DRD2: variants seen among roughly 807,000 people sequenced by gnomAD.
DRD2 encodes the protein dopamine receptor D2, also known as D(2) dopamine receptor.
A neutral mutation model predicts 38.0 loss-of-function variants in DRD2; 8 were observed. The ratio of observed to expected loss-of-function variants is 0.21; its 90% CI spans 0.12 to 0.38. The LOEUF is 0.38. DRD2 is among the 10% of genes least tolerant of loss of function. The pLI, the probability that DRD2 is intolerant of heterozygous loss-of-function variation, is 1.00. For missense variants in DRD2, 403 were observed against 607.7 expected (o/e 0.66, Z 3.54); for synonymous variants, 230 against 238.6 (o/e 0.96, Z 0.33).
At chr11:113,447,094 T>C (rs1302415399) in intron 1 of DRD2, among the ~76,000 whole-genome samples, 2 of 152,132 alleles carry the variant, frequency 1.3e-5, no homozygotes, top group Non-Finnish European at 2.9e-5. Context: ...TCCTCTAGCA[T>C]GTCATAGCCC....
intron 1 of DRD2, among the ~76,000 whole-genome samples, chr11:113,439,255 G>T (rs1175577144): frequency 6.6e-6 from 1 of 152,178 alleles, no homozygotes; most frequent in Admixed American, 6.5e-5. Context: ...TCCTAGGAAG[G>T]CTACCAGTTT....
intron 1 of DRD2, among the ~76,000 whole-genome samples, chr11:113,428,491 G>A (rs537983765): frequency 6.6e-6 from 1 of 152,342 alleles, no homozygotes; most frequent in Admixed American, 6.5e-5. Flanking sequence ...GGGGATGAGG[G>A]CTGTGGTCCT....
intron 2 of DRD2, 48 bp from the exon 3 acceptor site, chr11:113,418,184 G>A (rs200747382): frequency 4.5e-5 from 67 of 1,503,274 alleles, no homozygotes; most frequent in Non-Finnish European, 5.9e-5. Flanking sequence ...TGGGAGATTA[G>A]CTTAGGTCCT....
intron 1 of DRD2, among the ~76,000 whole-genome samples, chr11:113,453,840 G>C (rs974149101): frequency 6.6e-6 from 1 of 152,172 alleles, no homozygotes; most frequent in East Asian, 1.9e-4. Context: ...ACAGAGCTTT[G>C]TATGTGATAG....
intron 1 of DRD2, among the ~76,000 whole-genome samples, chr11:113,468,139 G>A (rs1951387798): frequency 6.6e-6 from 1 of 152,226 alleles, no homozygotes; most frequent in Non-Finnish European, 1.5e-5. Context: ...ATTAATTACT[G>A]TGACCCAATT....
At chr11:113,448,697 C>T (rs1208847102) in intron 1 of DRD2, among the ~76,000 whole-genome samples, 2 of 152,198 alleles carry the variant, frequency 1.3e-5, no homozygotes, top group Non-Finnish European at 1.5e-5. Flanking sequence ...CTCATTGTCA[C>T]TTCCGAGAGG....
chr11:113,438,336 TG>T (rs1951057718), intron 1 of DRD2, among the ~76,000 whole-genome samples: 1 of 151,648 alleles, frequency 6.6e-6, no homozygotes, highest in South Asian at 2.1e-4. Flanking sequence ...CTCATGGGAG[TG>T]GTTGCAAAAT....
At chr11:113,463,201 A>G (rs1469064107) in intron 1 of DRD2, among the ~76,000 whole-genome samples, 1 of 152,208 alleles carries the variant, frequency 6.6e-6, no homozygotes, top group Non-Finnish European at 1.5e-5. Context: ...GTATAGCTGA[A>G]TAATAAGGCT....
chr11:113,426,509 T>C (rs577026268), intron 1 of DRD2, among the ~76,000 whole-genome samples: 2 of 152,274 alleles, frequency 1.3e-5, no homozygotes, highest in Admixed American at 1.3e-4. Context: ...CTACTGCAAA[T>C]TGAAAACCAC....
In DRD2 at chr11:113,424,691, G is replaced by GA. The variant is rs778361148; in HGVS notation, c.-31-10dup. Reference sequence around the variant, plus strand: ...CACTGGGTGGCCAGGCTCTGGCCAGGAAAAATGGACACAAGGTGTCAGTGA... The same window carrying GA: ...CACTGGGTGGCCAGGCTCTGGCCAGGAAAAAATGGACACAAGGTGTCAGTGA... On this transcript the variant is annotated splice_polypyrimidine_tract_variant and intron_variant, in intron 1 of 7. Coordinates refer to ENST00000362072, the MANE Select transcript of DRD2 (RefSeq NM_000795.4). 1.2e-6 allele frequency: 2 copies of GA among 1,612,796 alleles called. No homozygotes were observed. The highest frequency in any genetic ancestry group is 4.5e-5 in the East Asian group (2 of 44,880).
rs143756534 is a variant in DRD2 at position 113,437,056 on chromosome 11, C to T, written c.-31-12374G>A. ...ATGTCCTCTCTTTCACAGCAGGTGG[C>T]GGCTCAGCTGGTAGGGATGGAGGTG... On this transcript the variant is annotated intron_variant, in intron 1 of 7. Transcript: ENST00000362072. 2.6e-5 allele frequency among the ~76,000 whole-genome samples: 4 copies of T among 152,268 alleles called. No homozygotes were observed. In the East Asian group the frequency reaches 5.8e-4, roughly 22 times the overall value.
At position 113,412,857 on chromosome 11, in the gene DRD2, C is replaced by T; in HGVS notation, c.837G>A (p.Leu279=). The change falls in exon 7 of 8, where the codon CTG becomes CTA. Residue 279 remains leucine (L), a synonymous_variant. Transcript: ENST00000362072. ...RVEAARRAQE[L]EMEMLSSTSP... is the part of the protein sequence containing the mutation. ...TGGTGCTGGAGAGCATCTCCATCTC[C>T]AGCTCCTGGGCTCGCCGGGCAGCCT... The T allele has an allele frequency of 6.2e-7, 1 of 1,612,546 alleles. No individual in the cohort carries two copies. The highest frequency in any genetic ancestry group is 8.5e-7 in the Non-Finnish European group (1 of 1,179,858).
intron 1 of DRD2, among the ~76,000 whole-genome samples, chr11:113,448,367 G>A (rs1192595940): frequency 6.6e-6 from 1 of 152,160 alleles, no homozygotes; most frequent in Non-Finnish European, 1.5e-5. Flanking sequence ...GATGCACGGT[G>A]GCTGAAAACC....
intron 4 of DRD2, among the ~76,000 whole-genome samples, 185 bp from the exon 5 acceptor site, chr11:113,415,796 T>TA (rs1950820136): frequency 2.0e-5 from 3 of 152,190 alleles, no homozygotes; most frequent in Non-Finnish European, 4.4e-5. Flanking sequence ...ACCAGAGTAT[T>TA]AAAAACACGG....
At chr11:113,417,277 C>T (rs545703561) in intron 3 of DRD2, among the ~76,000 whole-genome samples, 19 of 152,296 alleles carry the variant, frequency 1.2e-4, no homozygotes, top group African/African-American at 3.8e-4. Flanking sequence ...TCAGGCTTTT[C>T]GAAGAACCAT....
chr11:113,437,387 G>A (rs927745086), intron 1 of DRD2, among the ~76,000 whole-genome samples: 1 of 152,142 alleles, frequency 6.6e-6, no homozygotes, highest in African/African-American at 2.4e-5. Context: ...TCATGGGGAT[G>A]GGCAGGGTCT....
At chr11:113,448,802 C>T (rs548072907) in intron 1 of DRD2, among the ~76,000 whole-genome samples, 1 of 152,292 alleles carries the variant, frequency 6.6e-6, no homozygotes, top group East Asian at 1.9e-4. Context: ...GGAGCTGCAC[C>T]ACACTGGGCC....
At chr11:113,436,866 A>G (rs1439536361) in intron 1 of DRD2, among the ~76,000 whole-genome samples, 1 of 152,164 alleles carries the variant, frequency 6.6e-6, no homozygotes, top group Non-Finnish European at 1.5e-5. Context: ...TCTTATTATG[A>G]ACACTGGCTT....
intron 1 of DRD2, among the ~76,000 whole-genome samples, chr11:113,428,346 G>A (rs530551517): frequency 2.1e-4 from 32 of 152,348 alleles, no homozygotes; most frequent in African/African-American, 7.2e-4. Context: ...CAACAGGGTA[G>A]GGCCTTTAAT....
Sources: gnomAD v4.1 joint callset for allele counts (sites outside exome capture counted in the v4.1 genomes callset) on GRCh38, gnomAD v4.1.1 for gene constraint, MANE v1.5 for transcripts, NCBI Gene and HGNC (gene_info 2026-07-23, HGNC 2026-07-21) for gene names.